The following TCF7L1 variants were observed in gnomAD, a reference collection of about 807,000 sequenced individuals.
TCF7L1 encodes transcription factor 7 like 1.
Under a neutral mutation model 63.7 loss-of-function variants are expected in TCF7L1, and 18 were observed. The ratio of observed to expected loss-of-function variants is 0.28; its 90% CI spans 0.20 to 0.42. The LOEUF is 0.42. Ranked by LOEUF, TCF7L1 falls within the 10% of genes least tolerant of loss-of-function variation. TCF7L1 has a pLI of 1.00. For synonymous variants in TCF7L1, 355 were observed against 340.9 expected (o/e 1.04, Z -0.46); for missense variants, 654 against 779.3 (o/e 0.84, Z 1.91).
At chr2:85,151,172 C>T (rs62162851) in intron 3 of TCF7L1, among the ~76,000 whole-genome samples, 11,776 of 152,076 alleles carry the variant, frequency 0.077, 517 homozygotes, top group Middle Eastern at 0.11. Context: ...TTTTTCCTTA[C>T]GAAATGTTGA....
At chr2:85,154,533 C>T (rs76931445) in intron 3 of TCF7L1, among the ~76,000 whole-genome samples, 3,111 of 152,272 alleles carry the variant, frequency 0.02, 54 homozygotes, top group Non-Finnish European at 0.029. Context: ...AATACTACCC[C>T]TCCACCTACT....
chr2:85,155,280 A>C (rs1345955254), intron 3 of TCF7L1, among the ~76,000 whole-genome samples: 3 of 152,230 alleles, frequency 2.0e-5, no homozygotes, highest in African/African-American at 7.2e-5. Context: ...AAATGGACCA[A>C]TCAGCAGGAC....
intron 3 of TCF7L1, among the ~76,000 whole-genome samples, chr2:85,169,480 C>A (rs1051662200): frequency 6.6e-6 from 1 of 151,988 alleles, no homozygotes; most frequent in African/African-American, 2.4e-5. Flanking sequence ...CCCACCTCAG[C>A]CTCCCAAAGT....
intron 3 of TCF7L1, among the ~76,000 whole-genome samples, chr2:85,230,926 T>C (rs1477644978): frequency 6.6e-6 from 1 of 152,154 alleles, no homozygotes; most frequent in African/African-American, 2.4e-5. Context: ...AAGGAACAAA[T>C]GCCTAAAACT....
At chr2:85,269,735 C>T (rs958286073) in intron 3 of TCF7L1, among the ~76,000 whole-genome samples, 4 of 152,206 alleles carry the variant, frequency 2.6e-5, no homozygotes, top group Non-Finnish European at 5.9e-5. Flanking sequence ...AACTTCTCAG[C>T]CCTTCCACTG....
rs973428961 is a variant in TCF7L1 at position 85,134,201 on chromosome 2, G to A, written c.313+122G>A. 6.1e-6 allele frequency: 9 copies of A among 1,485,748 alleles called. No homozygotes were observed. Among genetic ancestry groups the A allele is most frequent in the Non-Finnish European group, 7.2e-6 (8 of 1,114,804 alleles). 92.0% of individuals were successfully genotyped at this position (1,485,748 alleles called of 1,614,324 possible). On this transcript the variant is annotated intron_variant, in intron 2 of 11. Coordinates refer to ENST00000282111, the MANE Select transcript of TCF7L1 (RefSeq NM_031283.3). The surrounding 1 kb of genome is among the most constrained non-coding windows in gnomAD (Gnocchi z 5.0). ...ACCCTTGCCCTCCGCCTTTATTGGCGGCAGCCCCCGTGGGGCGCGCGTGGG... is the reference window on the plus strand; with the variant it reads ...ACCCTTGCCCTCCGCCTTTATTGGCAGCAGCCCCCGTGGGGCGCGCGTGGG...
intron 3 of TCF7L1, among the ~76,000 whole-genome samples, chr2:85,164,379 TG>T (rs2104225331): frequency 6.6e-6 from 1 of 152,280 alleles, no homozygotes; most frequent in South Asian, 2.1e-4. Flanking sequence ...AGATGAAGGC[TG>T]GGGTCAGGGG....
intron 3 of TCF7L1, among the ~76,000 whole-genome samples, chr2:85,240,105 C>T (rs746203789): frequency 3.3e-5 from 5 of 152,244 alleles, no homozygotes. Flanking sequence ...GTTCTTTTCT[C>T]GTACTGAGTG....
intron 3 of TCF7L1, among the ~76,000 whole-genome samples, chr2:85,170,567 G>A (rs1260069712): frequency 6.6e-6 from 1 of 152,062 alleles, no homozygotes; most frequent in Non-Finnish European, 1.5e-5. Flanking sequence ...GTTATCCAAA[G>A]ACTTCTTCCC....
intron 3 of TCF7L1, among the ~76,000 whole-genome samples, chr2:85,191,839 A>T (rs931984393): frequency 6.6e-6 from 1 of 152,084 alleles, no homozygotes; most frequent in Non-Finnish European, 1.5e-5. Context: ...AAAAAAAAAA[A>T]AAGAAGTTTA....
chr2:85,134,729 G>A lies in TCF7L1; in HGVS notation c.441+279G>A, dbSNP rs77668226. ...GCCTCCAGAATTCTTCGCCTGCACCGAAGGAAACTTGGATTTGTGCCCGCT... is the reference window on the plus strand; with the variant it reads ...GCCTCCAGAATTCTTCGCCTGCACCAAAGGAAACTTGGATTTGTGCCCGCT... On this transcript the variant is annotated intron_variant, in intron 3 of 11. Coordinates refer to ENST00000282111, the MANE Select transcript of TCF7L1 (RefSeq NM_031283.3). The surrounding 1 kb of genome is among the most constrained non-coding windows in gnomAD (Gnocchi z 5.0). 0.057 allele frequency among the ~76,000 whole-genome samples: 8,665 copies of A among 152,272 alleles called. 289 individuals carry two copies. The highest frequency in any genetic ancestry group is 0.071 in the Middle Eastern group (21 of 294).
rs1679888764 is a variant in TCF7L1 at position 85,223,348 on chromosome 2, A to G, written c.442-60147A>G. 3.3e-5 allele frequency among the ~76,000 whole-genome samples: 5 copies of G among 152,214 alleles called. No homozygotes were observed. The South Asian group carries it at 1.0e-3, about 31-fold the overall frequency. On this transcript the variant is annotated intron_variant, in intron 3 of 11. Transcript: ENST00000282111. ...AGTGCCGGGATTACAGGCATGAGCC[A>G]CCACACCTGGCCACAAAATAAAAGG...
intron 3 of TCF7L1, among the ~76,000 whole-genome samples, chr2:85,244,294 A>G (rs1421228670): frequency 6.6e-6 from 1 of 152,214 alleles, no homozygotes; most frequent in Non-Finnish European, 1.5e-5. Flanking sequence ...GGTCTTGAGC[A>G]GAAAGGTGAC....
intron 3 of TCF7L1, among the ~76,000 whole-genome samples, chr2:85,223,842 G>A (rs955337674): frequency 6.6e-6 from 1 of 152,126 alleles, no homozygotes; most frequent in African/African-American, 2.4e-5. Context: ...ACAACGTGCA[G>A]GTTTGTTACA....
chr2:85,288,773 T>C (rs148750181), intron 4 of TCF7L1, among the ~76,000 whole-genome samples: 9 of 152,274 alleles, frequency 5.9e-5, no homozygotes, highest in Non-Finnish European at 1.0e-4. Flanking sequence ...ATTTGTAAGA[T>C]CCGATCAGTG....
At chr2:85,261,330 C>T (rs1680853930) in intron 3 of TCF7L1, among the ~76,000 whole-genome samples, 2 of 152,202 alleles carry the variant, frequency 1.3e-5, no homozygotes. Context: ...CAGGCCAGAC[C>T]TCTGGATTCT....
chr2:85,302,730 C>G, intron 5 of TCF7L1, 114 bp downstream of exon 5: 3 of 1,366,732 alleles, frequency 2.2e-6, no homozygotes, highest in Non-Finnish European at 3.0e-6. Context: ...GGCTCTTTGT[C>G]TCAGGAGTCT....
intron 10 of TCF7L1, among the ~76,000 whole-genome samples, chr2:85,307,052 C>T (rs1480591988): frequency 6.6e-6 from 1 of 152,186 alleles, no homozygotes; most frequent in African/African-American, 2.4e-5. Flanking sequence ...CTCAGGAGGT[C>T]AACAAGTCCT....
chr2:85,277,747 T>C (rs542447512), intron 3 of TCF7L1, among the ~76,000 whole-genome samples: 2 of 152,350 alleles, frequency 1.3e-5, no homozygotes, highest in East Asian at 3.9e-4. Flanking sequence ...TGACTTGTTT[T>C]CCTTGCATGC....
Sources: gnomAD v4.1 joint callset for allele counts (sites outside exome capture counted in the v4.1 genomes callset) on GRCh38, gnomAD v4.1.1 for gene constraint, Gnocchi (gnomAD v3.1) non-coding constraint, MANE v1.5 for transcripts, NCBI Gene and HGNC (gene_info 2026-07-23, HGNC 2026-07-21) for gene names.